Variants in CHL1 observed in about 807,000 individuals in gnomAD.
The protein encoded by CHL1 is neural cell adhesion molecule L1-like protein.
A neutral mutation model predicts 141.9 loss-of-function variants in CHL1; 96 were observed. The ratio of observed to expected loss-of-function variants is 0.68; its 90% confidence interval spans 0.57 to 0.80. The LOEUF (loss-of-function observed/expected upper bound fraction) is 0.80. CHL1 is among the 30% of genes least tolerant of loss of function. The pLI is 0.00. For synonymous variants in CHL1, 613 were observed against 502.2 expected (o/e 1.22, Z -2.95); for missense variants, 1,820 against 1,457.2 (o/e 1.25, Z -4.05).
intron 2 of CHL1, among the ~76,000 whole-genome samples, chr3:285,649 G>A (rs924342898): frequency 6.6e-6 from 1 of 152,138 alleles, no homozygotes; most frequent in Non-Finnish European, 1.5e-5. Flanking sequence ...TTAAAATTGA[G>A]ATCATAATTC....
chr3:357,040 C>T (rs1326040997), intron 11 of CHL1, among the ~76,000 whole-genome samples: 1 of 152,190 alleles, frequency 6.6e-6, no homozygotes, highest in Non-Finnish European at 1.5e-5. Flanking sequence ...TCATGGTTGG[C>T]TTCTGGATTT....
chr3:380,344 A>G (rs933703389), intron 16 of CHL1, among the ~76,000 whole-genome samples: 11 of 152,208 alleles, frequency 7.2e-5, no homozygotes, highest in African/African-American at 2.7e-4. Context: ...AGGAGGAGCA[A>G]TGGACGGTGC....
intron 3 of CHL1, 56 bp downstream of exon 3, chr3:319,923 T>A: frequency 3.0e-6 from 3 of 998,948 alleles, no homozygotes; most frequent in Non-Finnish European, 4.6e-6. Context: ...CATTTTGATT[T>A]TTAAGTAGAA....
intron 2 of CHL1, among the ~76,000 whole-genome samples, chr3:254,614 G>C (rs1165133258): frequency 6.6e-6 from 1 of 152,162 alleles, no homozygotes; most frequent in African/African-American, 2.4e-5. Flanking sequence ...GAATACCACA[G>C]ACTGGATACC....
chr3:219,572 G>A (rs1269595747), intron 1 of CHL1, among the ~76,000 whole-genome samples: 1 of 152,164 alleles, frequency 6.6e-6, no homozygotes, highest in African/African-American at 2.4e-5. Flanking sequence ...ATTATCCTTA[G>A]CAAACTAATG....
intron 2 of CHL1, among the ~76,000 whole-genome samples, chr3:285,641 A>G (rs1697058476): frequency 1.3e-5 from 2 of 152,222 alleles, no homozygotes; most frequent in African/African-American, 4.8e-5. Flanking sequence ...ACTCAATTTT[A>G]AAATTGAGAT....
intron 2 of CHL1, among the ~76,000 whole-genome samples, chr3:287,454 G>A (rs1309278647): frequency 1.3e-5 from 2 of 152,110 alleles, no homozygotes; most frequent in Non-Finnish European, 2.9e-5. Context: ...GCTGAGACAC[G>A]CAAGCCATTT....
intron 2 of CHL1, among the ~76,000 whole-genome samples, chr3:297,979 T>C (rs144760650): frequency 6.6e-6 from 1 of 152,202 alleles, no homozygotes; most frequent in African/African-American, 2.4e-5. Flanking sequence ...GGTACAGGGG[T>C]AGAGAATATT....
chr3:234,993 C>CTATGATTAT (rs146451297), intron 1 of CHL1, among the ~76,000 whole-genome samples: 1 of 148,282 alleles, frequency 6.7e-6, no homozygotes, highest in Non-Finnish European at 1.5e-5. Context: ...TTTTTTATTA[C>CTATGATTAT]TATTATTATT....
chr3:251,278 A>T (rs1693671045), intron 2 of CHL1, among the ~76,000 whole-genome samples: 1 of 152,146 alleles, frequency 6.6e-6, no homozygotes, highest in Non-Finnish European at 1.5e-5. Context: ...TCCACCTCTC[A>T]GGCAGAGGAC....
At chr3:344,526 G>C (rs889482417) in intron 8 of CHL1, 63 bp from the exon 9 acceptor site, 22 of 1,249,886 alleles carry the variant, frequency 1.8e-5, no homozygotes, top group African/African-American at 4.5e-5. Flanking sequence ...GAAAGATGTG[G>C]TGTCACAGAA....
At chr3:286,443 T>C (rs1411606495) in intron 2 of CHL1, among the ~76,000 whole-genome samples, 1 of 151,886 alleles carries the variant, frequency 6.6e-6, no homozygotes, top group Admixed American at 6.6e-5. Flanking sequence ...AAACCCCATC[T>C]CTACTAAAAA....
intron 11 of CHL1, among the ~76,000 whole-genome samples, chr3:355,090 C>G (rs1703597721): frequency 6.6e-6 from 1 of 152,088 alleles, no homozygotes. Context: ...GTTCCTGTCC[C>G]TGAGAAGAAA....
At chr3:216,903 G>C (rs1700369720) in intron 1 of CHL1, among the ~76,000 whole-genome samples, 1 of 152,158 alleles carries the variant, frequency 6.6e-6, no homozygotes, top group African/African-American at 2.4e-5. Flanking sequence ...AAATCATGTG[G>C]TTCTTCTTTG....
chr3:226,742 C>G (rs1422463277), intron 1 of CHL1, among the ~76,000 whole-genome samples: 1 of 152,052 alleles, frequency 6.6e-6, no homozygotes, highest in Admixed American at 6.6e-5. Flanking sequence ...CCACCGCGCC[C>G]GACCTGTAGT....
intron 1 of CHL1, among the ~76,000 whole-genome samples, chr3:232,146 C>T (rs1248334075): frequency 6.6e-6 from 1 of 152,092 alleles, no homozygotes; most frequent in Non-Finnish European, 1.5e-5. Flanking sequence ...GTTTTGGTGT[C>T]TACCATTACT....
chr3:340,856 G>T lies in CHL1; in HGVS notation c.448G>T (p.Val150Phe). ...TGAAGTGGAGGAGGGAGATCCAATT[G>T]TCCTCCCATGCAATCCTCCCAAAGG... is the stretch of plus-strand genomic sequence containing the variant. ...PLEVEEGDPI[V>F]LPCNPPKGLP... Residue 150 changes from valine (V) to phenylalanine (F), a missense_variant, in exon 6 of 28, where the codon GTC (valine) becomes TTC (phenylalanine). Coordinates refer to ENST00000256509, the MANE Select transcript of CHL1 (RefSeq NM_006614.4). 1 of 1,611,876 alleles carries T rather than the reference G, an allele frequency of 6.2e-7. No homozygotes were observed. Among genetic ancestry groups the T allele is most frequent in the Non-Finnish European group, 8.5e-7 (1 of 1,178,174 alleles).
intron 15 of CHL1, among the ~76,000 whole-genome samples, chr3:375,508 G>T (rs1427740920): frequency 4.0e-5 from 6 of 151,868 alleles, no homozygotes; most frequent in African/African-American, 1.5e-4. Context: ...TGCAGTCATA[G>T]TGAAAGGTCT....
intron 1 of CHL1, among the ~76,000 whole-genome samples, chr3:240,785 T>A (rs1395258571): frequency 6.6e-6 from 1 of 151,906 alleles, no homozygotes; most frequent in Non-Finnish European, 1.5e-5. Context: ...AGGTAGGAGA[T>A]GAGGATCCAG....
Sources: allele counts gnomAD v4.1 joint callset (sites outside exome capture counted in the v4.1 genomes callset), GRCh38; gene constraint gnomAD v4.1.1; transcripts MANE v1.5; gene names NCBI Gene and HGNC (gene_info 2026-07-23, HGNC 2026-07-21).